Variants in NR2C2 observed in about 807,000 individuals in gnomAD.
NR2C2 encodes Nuclear hormone receptor TR4.
Under a neutral mutation model 62.9 loss-of-function variants are expected in NR2C2, and 6 were observed. That is an observed-to-expected ratio of 0.10 (90% confidence interval 0.05 to 0.19). The LOEUF (loss-of-function observed/expected upper bound fraction) is 0.19. Among genes scored for constraint, NR2C2 ranks in the 10% least tolerant of loss-of-function variants. The probability of loss-of-function intolerance (pLI) is 1.00; values close to 1 mark genes in which losing one functional copy is unlikely to be tolerated. For missense variants in NR2C2, 479 were observed against 762.7 expected, an observed-to-expected ratio of 0.63 and a Z score of 4.38; for synonymous variants, 272 against 273.8, an observed-to-expected ratio of 0.99 and a Z score of 0.07.
In NR2C2 at chr3:15,037,985, G is replaced by A. The variant is rs749640707; in HGVS notation, c.1373-15G>A. ...CTTACCAGCCTTTCTCAGGATCTGT[G>A]ATGTTGGTTTCTAGATAAACTTTCT... On this transcript the variant is annotated splice_polypyrimidine_tract_variant and intron_variant, in intron 11 of 13. Coordinates refer to ENST00000425241, the MANE Select transcript of NR2C2 (RefSeq NM_001291694.2). The A allele has an allele frequency of 3.5e-5, 57 of 1,610,954 alleles. No homozygotes were observed. Among genetic ancestry groups the A allele is most frequent in the Non-Finnish European group, 4.5e-5 (53 of 1,178,366 alleles).
intron 1 of NR2C2, among the ~76,000 whole-genome samples, chr3:14,965,249 T>G (rs1396290342): frequency 6.6e-6 from 1 of 152,222 alleles, no homozygotes; most frequent in Non-Finnish European, 1.5e-5. Context: ...TAATTGTTAA[T>G]TTTTCAAATA....
At chr3:15,023,008 C>G (rs941896102) in intron 5 of NR2C2, among the ~76,000 whole-genome samples, 192 bp from the exon 6 acceptor site, 2 of 152,048 alleles carry the variant, frequency 1.3e-5, no homozygotes, top group African/African-American at 4.8e-5. Context: ...CTTTTTTATG[C>G]CTCTAGATTT....
In NR2C2 at chr3:15,046,319, C is replaced by G. The variant is rs1348129178; in HGVS notation, c.*3311C>G. 6.6e-6 allele frequency: 1 copy of G among 152,224 alleles called. No individual in the cohort carries two copies. The highest frequency in any genetic ancestry group is 6.5e-5 in the Admixed American group (1 of 15,284). 9.4% of individuals were successfully genotyped at this position (152,224 alleles called of 1,614,324 possible). ...GTATTGAATGTGGACTCTTCTGAGG[C>G]AGTTAGGACACCAGCCATGGTGTTA... On this transcript the variant is annotated 3_prime_UTR_variant, in exon 14 of 14. Coordinates refer to ENST00000425241, the MANE Select transcript of NR2C2 (RefSeq NM_001291694.2).
intron 3 of NR2C2, among the ~76,000 whole-genome samples, chr3:15,015,865 G>A (rs997638584): frequency 2.0e-5 from 3 of 152,110 alleles, no homozygotes; most frequent in Admixed American, 1.3e-4. Flanking sequence ...GCAGTGGTGC[G>A]ATCTCGGCTC....
chr3:14,994,677 A>G (rs1321673139), intron 1 of NR2C2, among the ~76,000 whole-genome samples: 1 of 150,686 alleles, frequency 6.6e-6, no homozygotes, highest in Non-Finnish European at 1.5e-5. Flanking sequence ...TGTTGACCTC[A>G]TGATCCGCCA....
intron 1 of NR2C2, among the ~76,000 whole-genome samples, chr3:14,981,480 G>A (rs776144752): frequency 2.6e-5 from 4 of 151,674 alleles, no homozygotes; most frequent in African/African-American, 4.8e-5. Flanking sequence ...GTGGGCGCCT[G>A]TACTCCCAGC....
intron 8 of NR2C2, 71 bp downstream of exon 8, chr3:15,028,790 CAGCATTTTGGT>C: frequency 6.5e-7 from 1 of 1,535,138 alleles, no homozygotes; most frequent in South Asian, 1.2e-5. Context: ...GGGTGGAAAA[CAGCATTTTGGT>C]ACCTGTGCTG....
intron 2 of NR2C2, among the ~76,000 whole-genome samples, chr3:15,007,873 C>G (rs187765837): frequency 6.6e-6 from 1 of 152,294 alleles, no homozygotes; most frequent in East Asian, 1.9e-4. Context: ...CCTAGTCATC[C>G]TTTTTCATAG....
At chr3:14,965,547 G>T (rs1250279747) in intron 1 of NR2C2, among the ~76,000 whole-genome samples, 2 of 89,966 alleles carry the variant, frequency 2.2e-5, no homozygotes. Flanking sequence ...AAAAAAAAAA[G>T]CATTTTTAGA....
intron 11 of NR2C2, among the ~76,000 whole-genome samples, chr3:15,036,287 A>G (rs576001253): frequency 1.3e-5 from 2 of 152,254 alleles, no homozygotes; most frequent in East Asian, 3.9e-4. Context: ...TTAAGAGTGA[A>G]CAAACAACTT....
chr3:14,984,765 G>A (rs2040470274), intron 1 of NR2C2, among the ~76,000 whole-genome samples: 1 of 151,850 alleles, frequency 6.6e-6, no homozygotes, highest in Non-Finnish European at 1.5e-5. Context: ...GTATGTCTTT[G>A]TGAGAACATA....
chr3:15,007,840 C>A (rs184251070), intron 2 of NR2C2, among the ~76,000 whole-genome samples: 6 of 152,326 alleles, frequency 3.9e-5, no homozygotes, highest in African/African-American at 1.4e-4. Context: ...AACAGTTTCA[C>A]ACACATCGTA....
Position 15,016,307 on chromosome 3 carries a change from A to G in NR2C2, c.376+53A>G, listed in dbSNP as rs549775349. On this transcript the variant is annotated intron_variant, in intron 4 of 13. Transcript: ENST00000425241. The stretch of plus-strand genomic sequence containing the variant: ...TTATAATGGGCCAACAGCATGAAGT[A>G]ACTGTTGTGAGGTGGGGTGGTAGTT... The G allele has an allele frequency of 2.9e-5, 38 of 1,324,010 alleles. No homozygotes were observed. In the South Asian group the frequency reaches 4.3e-4, roughly 15 times the overall value. The allele number at this position is 1,324,010 out of a possible 1,614,324, so 82.0% of individuals were successfully genotyped here.
At chr3:14,956,658 C>G (rs2039534583) in intron 1 of NR2C2, among the ~76,000 whole-genome samples, 1 of 152,294 alleles carries the variant, frequency 6.6e-6, no homozygotes, top group Middle Eastern at 3.4e-3. Flanking sequence ...ATTCTCCTGC[C>G]TCAGCCTCAA....
intron 2 of NR2C2, among the ~76,000 whole-genome samples, chr3:15,011,133 G>A (rs1340705849): frequency 6.6e-6 from 1 of 152,094 alleles, no homozygotes; most frequent in Non-Finnish European, 1.5e-5. Context: ...CCAGGAATTT[G>A]AGGTCACCTG....
At chr3:15,008,287 C>T (rs533783121) in intron 2 of NR2C2, among the ~76,000 whole-genome samples, 92 of 151,122 alleles carry the variant, frequency 6.1e-4, no homozygotes, top group Non-Finnish European at 1.2e-3. Context: ...CTTTGGAGGC[C>T]GATGTAGGTG....
At chr3:14,959,889 T>C (rs1384420083) in intron 1 of NR2C2, among the ~76,000 whole-genome samples, 4 of 152,160 alleles carry the variant, frequency 2.6e-5, no homozygotes, top group African/African-American at 9.7e-5. Context: ...AAAACAGATA[T>C]GGCAGAGATG....
intron 1 of NR2C2, among the ~76,000 whole-genome samples, chr3:14,950,011 T>G (rs571118048): frequency 1.2e-4 from 18 of 152,362 alleles, no homozygotes; most frequent in African/African-American, 3.8e-4. Flanking sequence ...AATAGAGCCT[T>G]CCTTCCTGAA....
chr3:15,033,494 A>T (rs2042030030), intron 10 of NR2C2, among the ~76,000 whole-genome samples: 1 of 152,140 alleles, frequency 6.6e-6, no homozygotes, highest in Non-Finnish European at 1.5e-5. Flanking sequence ...TCCATGATTA[A>T]AGGAAAGGCA....
Sources: allele counts gnomAD v4.1 joint callset (sites outside exome capture counted in the v4.1 genomes callset), GRCh38; gene constraint gnomAD v4.1.1; transcripts MANE v1.5; gene names NCBI Gene and HGNC (gene_info 2026-07-23, HGNC 2026-07-21).